Variants in GRID1 observed in about 807,000 individuals in gnomAD.
GRID1 encodes the protein glutamate ionotropic receptor delta type subunit 1.
GRID1 carries 28 observed loss-of-function variants against 98.0 expected under a neutral mutation model. The observed-to-expected ratio is 0.29, with a 90% confidence interval of 0.21 to 0.39. The LOEUF is 0.39. Ranked by LOEUF, GRID1 falls within the 10% of genes least tolerant of loss-of-function variation. The probability of loss-of-function intolerance (pLI) is 1.00; values close to 1 mark genes in which losing one functional copy is unlikely to be tolerated. For missense variants in GRID1, 1,111 were observed against 1,340.5 expected (o/e 0.83, Z 2.67); for synonymous variants, 553 against 538.5 (o/e 1.03, Z -0.37).
intron 8 of GRID1, among the ~76,000 whole-genome samples, chr10:85,827,402 C>A (rs1164145171): frequency 2.0e-5 from 3 of 151,982 alleles, no homozygotes; most frequent in Admixed American, 6.6e-5. Flanking sequence ...AAAAACAATT[C>A]TCTTAATTAA....
intron 10 of GRID1, among the ~76,000 whole-genome samples, chr10:85,727,421 G>A (rs976331976): frequency 6.6e-6 from 1 of 152,106 alleles, no homozygotes; most frequent in Non-Finnish European, 1.5e-5. Flanking sequence ...GGACCTGGGG[G>A]ATGCCACACC....
At chr10:86,326,135 G>A (rs998772754) in intron 2 of GRID1, among the ~76,000 whole-genome samples, 1 of 152,178 alleles carries the variant, frequency 6.6e-6, no homozygotes, top group Non-Finnish European at 1.5e-5. Context: ...ATTTGTATTA[G>A]AAATAAAATC....
intron 13 of GRID1, among the ~76,000 whole-genome samples, chr10:85,630,301 C>T (rs921234099): frequency 6.6e-6 from 1 of 152,154 alleles, no homozygotes; most frequent in African/African-American, 2.4e-5. Context: ...AATGCCCTCA[C>T]CTAGAAGACA....
chr10:85,725,041 A>G (rs1424514394), intron 10 of GRID1, among the ~76,000 whole-genome samples: 1 of 152,034 alleles, frequency 6.6e-6, no homozygotes, highest in Non-Finnish European at 1.5e-5. Flanking sequence ...CTCCACCAAG[A>G]AGGCCCTTCT....
At chr10:86,169,121 G>A (rs778430897) in intron 3 of GRID1, among the ~76,000 whole-genome samples, 3 of 152,328 alleles carry the variant, frequency 2.0e-5, no homozygotes, top group South Asian at 2.1e-4. Context: ...GAGCTAGACC[G>A]GACTGCAACA....
At chr10:86,292,714 T>G (rs1465503412) in intron 2 of GRID1, among the ~76,000 whole-genome samples, 2 of 151,348 alleles carry the variant, frequency 1.3e-5, no homozygotes. Flanking sequence ...TGGATGTGGG[T>G]GGGTGGGTGC....
Position 85,789,095 on chromosome 10 carries a change from G to C in GRID1, c.1234-59481C>G, listed in dbSNP as rs564146684. ...TGTCAGAAATCCTTTTCGGGAAGGAGGCAGAATATAAATAAGTAAATATAA... is the reference window on the plus strand; with the variant it reads ...TGTCAGAAATCCTTTTCGGGAAGGACGCAGAATATAAATAAGTAAATATAA... On this transcript the variant is annotated intron_variant, in intron 8 of 15. Transcript: ENST00000327946. 6.6e-5 allele frequency among the ~76,000 whole-genome samples: 10 copies of C among 152,280 alleles called. No individual in the cohort carries two copies. The South Asian group carries it at 2.1e-3, about 32-fold the overall frequency.
intron 3 of GRID1, among the ~76,000 whole-genome samples, chr10:86,173,464 A>AT (rs1167314307): frequency 1.3e-5 from 2 of 152,066 alleles, no homozygotes; most frequent in Non-Finnish European, 2.9e-5. Context: ...TTTTTTTATA[A>AT]TTTTTTCAAA....
chr10:85,793,673 C>T (rs1842501631), intron 8 of GRID1, among the ~76,000 whole-genome samples: 1 of 152,072 alleles, frequency 6.6e-6, no homozygotes, highest in South Asian at 2.1e-4. Context: ...ACGGCACATA[C>T]AAAATACTCC....
chr10:85,925,203 TAAGGCCCCCCATGTTCTTGTTCTTACA>T (rs1841758402), intron 4 of GRID1, among the ~76,000 whole-genome samples: 1 of 152,172 alleles, frequency 6.6e-6, no homozygotes, highest in Non-Finnish European at 1.5e-5. Context: ...AGAAACCAAA[TAAGGCCCCCCATGTTCTTGTTCTTACA>T]GGCATTCAGG....
At position 85,870,245 on chromosome 10, in the gene GRID1, C is replaced by T. The variant is rs376311206; in HGVS notation, c.781-1065G>A. On this transcript the variant is annotated intron_variant, in intron 5 of 15. Coordinates refer to ENST00000327946, the MANE Select transcript of GRID1 (RefSeq NM_017551.3). ...AGTCTTCCAACCTCCATCTTTCTCCCGTGCTGGATGCTTCCTGCCTGTGAA... is the reference window on the plus strand; with the variant it reads ...AGTCTTCCAACCTCCATCTTTCTCCTGTGCTGGATGCTTCCTGCCTGTGAA... Among the ~76,000 whole-genome samples, 274 of 152,310 alleles carry T rather than the reference C, an allele frequency of 1.8e-3. 4 individuals carry two copies. The South Asian group carries it at 0.035, about 19-fold the overall frequency.
intron 5 of GRID1, among the ~76,000 whole-genome samples, chr10:85,905,282 A>G (rs1324945518): frequency 6.6e-6 from 1 of 152,084 alleles, no homozygotes; most frequent in East Asian, 1.9e-4. Context: ...CCTAGTAAAA[A>G]TATCTTCCAA....
At chr10:86,144,870 G>T (rs1403769269) in intron 3 of GRID1, among the ~76,000 whole-genome samples, 1 of 152,134 alleles carries the variant, frequency 6.6e-6, no homozygotes, top group African/African-American at 2.4e-5. Flanking sequence ...GACTGGCGGA[G>T]GCCTTTCAAC....
chr10:86,168,948 G>T (rs144819429), intron 3 of GRID1, among the ~76,000 whole-genome samples: 33 of 152,294 alleles, frequency 2.2e-4, no homozygotes, highest in Non-Finnish European at 4.4e-4. Context: ...AGAAATTGAA[G>T]CTAGAAAGGG....
At chr10:86,103,807 G>C (rs1844337281) in intron 4 of GRID1, among the ~76,000 whole-genome samples, 1 of 149,936 alleles carries the variant, frequency 6.7e-6, no homozygotes, top group African/African-American at 2.5e-5. Context: ...GCCCAACCAT[G>C]TCACGAGAGA....
chr10:86,177,367 GGAGA>G (rs148582946), intron 3 of GRID1, among the ~76,000 whole-genome samples: 2 of 151,364 alleles, frequency 1.3e-5, no homozygotes, highest in African/African-American at 2.4e-5. Context: ...GCTTCAGGCA[GGAGA>G]GAGAGAGAGA....
chr10:85,944,454 A>C (rs57506753), intron 4 of GRID1, among the ~76,000 whole-genome samples: 14,323 of 152,330 alleles, frequency 0.094, 720 homozygotes, highest in East Asian at 0.18. Context: ...TTGCTGAGTG[A>C]AAATTGCTGC....
intron 2 of GRID1, among the ~76,000 whole-genome samples, chr10:86,353,247 T>G (rs1459577262): frequency 6.6e-6 from 1 of 152,184 alleles, no homozygotes; most frequent in African/African-American, 2.4e-5. Context: ...CTCCTGTGGG[T>G]GCTGGGATGC....
At chr10:86,275,309 T>A (rs1376877519) in intron 2 of GRID1, among the ~76,000 whole-genome samples, 1 of 151,764 alleles carries the variant, frequency 6.6e-6, no homozygotes, top group Non-Finnish European at 1.5e-5. Flanking sequence ...GAAGACAATA[T>A]GTTTTCTAGA....
Sources: gnomAD v4.1 joint callset for allele counts (sites outside exome capture counted in the v4.1 genomes callset) on GRCh38, gnomAD v4.1.1 for gene constraint, MANE v1.5 for transcripts, NCBI Gene and HGNC (gene_info 2026-07-23, HGNC 2026-07-21) for gene names.